The following NAV1 variants were observed in gnomAD, a reference collection of about 807,000 sequenced individuals.
The protein encoded by NAV1 is neuron navigator 1, also known as pore membrane and/or filament interacting like protein 3.
NAV1 carries 18 observed loss-of-function variants against 175.2 expected under a neutral mutation model. That is an observed-to-expected ratio of 0.10 (90% CI 0.07 to 0.15). The LOEUF (loss-of-function observed/expected upper bound fraction) is 0.15. Ranked by LOEUF, NAV1 falls within the 10% of genes least tolerant of loss-of-function variation. The pLI, the probability that NAV1 is intolerant of heterozygous loss-of-function variation, is 1.00. For synonymous variants in NAV1, 897 were observed against 978.7 expected (o/e 0.92, Z 1.56); for missense variants, 1,731 against 2,436.6 (o/e 0.71, Z 6.10).
At chr1:201,756,935 G>A (rs1266669878) in intron 3 of NAV1, among the ~76,000 whole-genome samples, 1 of 149,234 alleles carries the variant, frequency 6.7e-6, no homozygotes, top group Non-Finnish European at 1.5e-5. Context: ...ATCAGAAAAT[G>A]ATTCACTCTT....
chr1:201,678,960 G>A (rs904541025), intron 1 of NAV1, among the ~76,000 whole-genome samples: 2 of 152,184 alleles, frequency 1.3e-5, no homozygotes, highest in Admixed American at 1.3e-4. Flanking sequence ...ATGCTAGGGA[G>A]GGGAGGCTCC....
intron 2 of NAV1, among the ~76,000 whole-genome samples, chr1:201,614,277 T>C (rs950647957): frequency 6.6e-6 from 1 of 152,244 alleles, no homozygotes; most frequent in Non-Finnish European, 1.5e-5. Context: ...GTATATTCAG[T>C]GCATTCCCAA....
At chr1:201,676,586 G>T (rs552307303) in intron 1 of NAV1, among the ~76,000 whole-genome samples, 1 of 152,244 alleles carries the variant, frequency 6.6e-6, no homozygotes, top group East Asian at 1.9e-4. Flanking sequence ...CACCCCAGTG[G>T]TCCAGGCTGG....
At chr1:201,761,431 G>C (rs1674836207) in intron 3 of NAV1, among the ~76,000 whole-genome samples, 1 of 152,182 alleles carries the variant, frequency 6.6e-6, no homozygotes, top group African/African-American at 2.4e-5. Flanking sequence ...GTCTTTTAGA[G>C]CTGCCAGAAA....
At chr1:201,594,079 T>G (rs1256306970) in intron 2 of NAV1, among the ~76,000 whole-genome samples, 1 of 151,378 alleles carries the variant, frequency 6.6e-6, no homozygotes. Flanking sequence ...GCACTTTTTT[T>G]TTTTTTTTGA....
At chr1:201,685,826 G>A (rs1202774298) in intron 1 of NAV1, among the ~76,000 whole-genome samples, 1 of 152,160 alleles carries the variant, frequency 6.6e-6, no homozygotes, top group African/African-American at 2.4e-5. Context: ...TGTGCTCTTC[G>A]TATCCACGCT....
chr1:201,750,185 A>G lies in NAV1; in HGVS notation c.1227-30236A>G, dbSNP rs1032644600. ...AGGTTCACTGGCAACTTTCTGTGTA[A>G]TTTTTTATAACAAAGACCTACCGCT... On this transcript the variant is annotated intron_variant, in intron 3 of 29. Transcript: ENST00000367296. This position sits in a 1 kb window ranked among gnomAD's most constrained non-coding sequence, Gnocchi z 4.1. 6.6e-6 allele frequency among the ~76,000 whole-genome samples: 1 copy of G among 152,174 alleles called. No homozygotes were observed. The highest frequency in any genetic ancestry group is 2.4e-5 in the African/African-American group (1 of 41,428).
chr1:201,696,281 C>T (rs1417309450), intron 1 of NAV1, among the ~76,000 whole-genome samples: 1 of 152,190 alleles, frequency 6.6e-6, no homozygotes, highest in Non-Finnish European at 1.5e-5. Context: ...CAGGCTCCTG[C>T]ATTGGAATCG....
intron 1 of NAV1, among the ~76,000 whole-genome samples, chr1:201,566,198 T>G (rs948053805): frequency 2.6e-5 from 4 of 151,984 alleles, no homozygotes; most frequent in African/African-American, 9.7e-5. Flanking sequence ...GCAGGCCACT[T>G]CTCCTGGGCA....
intron 3 of NAV1, among the ~76,000 whole-genome samples, chr1:201,744,659 G>A (rs1335685622): frequency 1.3e-5 from 2 of 152,190 alleles, no homozygotes; most frequent in East Asian, 3.8e-4. Context: ...GCCATACTTT[G>A]AGTGGTCCTG....
chr1:201,750,370 C>T lies in NAV1; in HGVS notation c.1227-30051C>T, dbSNP rs995277352. 6.6e-6 allele frequency among the ~76,000 whole-genome samples: 1 copy of T among 151,904 alleles called. No homozygotes were observed. Among genetic ancestry groups the T allele is most frequent in the African/African-American group, 2.4e-5 (1 of 41,338 alleles). ...AACTGTTCATGGTATGAGAGTTGAC[C>T]AAGTCAGGGTGGGGAGGGGAGGAAG... On this transcript the variant is annotated intron_variant, in intron 3 of 29. Coordinates refer to ENST00000367296, the Ensembl canonical transcript of NAV1. This position sits in a 1 kb window ranked among gnomAD's most constrained non-coding sequence, Gnocchi z 4.1.
chr1:201,721,788 G>A (rs998178363), intron 3 of NAV1, among the ~76,000 whole-genome samples: 4 of 152,178 alleles, frequency 2.6e-5, no homozygotes, highest in East Asian at 1.9e-4. Context: ...TGACATAATC[G>A]GCTCCAAGCT....
chr1:201,539,204 G>T lies in NAV1; in HGVS notation c.-282G>T, dbSNP rs1571810044. On this transcript the variant is annotated 5_prime_UTR_variant, in exon 1 of 34. Transcript: ENST00000685211. This position sits in a 1 kb window ranked among gnomAD's most constrained non-coding sequence, Gnocchi z 5.6. ...GCGCGGCGGACGCCAAGCCTGGTGC[G>T]AGGGGCCGAGGCGGCCTGGGGAGCC... Among the ~76,000 whole-genome samples, 1 of 152,212 alleles carries T rather than the reference G, an allele frequency of 6.6e-6. No individual in the cohort carries two copies. The highest frequency in any genetic ancestry group is 2.4e-5 in the African/African-American group (1 of 41,470).
At chr1:201,540,149 G>A (rs963716146) in intron 1 of NAV1, among the ~76,000 whole-genome samples, 1 of 152,194 alleles carries the variant, frequency 6.6e-6, no homozygotes, top group Non-Finnish European at 1.5e-5. Context: ...GGACGCGAGT[G>A]GCGGGTGGCG....
rs149389967 is a variant in NAV1 at position 201,545,549 on chromosome 1, G to A, written c.-144+6207G>A. ...CCAAAGTGTTGAGGATTACAGGCGT[G>A]AGCCACTATGCCCAGTCTCATCCTA... On this transcript the variant is annotated intron_variant, in intron 1 of 33. Coordinates refer to the NAV1 transcript ENST00000685211. Among the ~76,000 whole-genome samples, 57 of 152,224 alleles carry A rather than the reference G, an allele frequency of 3.7e-4. No homozygotes were observed. The East Asian group carries it at 0.01, about 27-fold the overall frequency.
chr1:201,775,359 G>A (rs980743558), intron 3 of NAV1, among the ~76,000 whole-genome samples: 2 of 152,226 alleles, frequency 1.3e-5, no homozygotes, highest in Non-Finnish European at 2.9e-5. Context: ...CTTACATGCT[G>A]CAGGCTGGAG....
intron 2 of NAV1, among the ~76,000 whole-genome samples, chr1:201,613,225 AC>A (rs1413556843): frequency 6.6e-6 from 1 of 152,010 alleles, no homozygotes; most frequent in Non-Finnish European, 1.5e-5. Flanking sequence ...TTTCTTACTA[AC>A]CCATGCCACA....
At chr1:201,553,409 TAG>T (rs1198508260) in intron 1 of NAV1, among the ~76,000 whole-genome samples, 7 of 152,242 alleles carry the variant, frequency 4.6e-5, no homozygotes, top group Non-Finnish European at 1.0e-4. Flanking sequence ...ATTTCAGGTC[TAG>T]AGAGAGAAGC....
chr1:201,767,450 CA>C (rs758328327), intron 3 of NAV1, among the ~76,000 whole-genome samples: 2 of 135,436 alleles, frequency 1.5e-5, no homozygotes, highest in East Asian at 2.4e-4. Flanking sequence ...GACTCCGCCT[CA>C]AAAAAAATAA....
Sources: gnomAD v4.1 joint callset for allele counts (sites outside exome capture counted in the v4.1 genomes callset) on GRCh38, gnomAD v4.1.1 for gene constraint, Gnocchi (gnomAD v3.1) non-coding constraint, MANE v1.5 for transcripts, NCBI Gene and HGNC (gene_info 2026-07-23, HGNC 2026-07-21) for gene names.